PACC1: variants seen among roughly 807,000 people sequenced by gnomAD.
PACC1 encodes proton activated chloride channel 1, also known as proton-activated chloride channel.
A neutral mutation model predicts 39.7 loss-of-function variants in PACC1; 34 were observed. The observed-to-expected ratio is 0.86, with a 90% CI of 0.65 to 1.14. The LOEUF is 1.14. Among genes scored for constraint, PACC1 ranks in the 50% most tolerant of loss-of-function variants. The pLI is 0.00. For missense variants in PACC1, 379 were observed against 436.4 expected, an observed-to-expected ratio of 0.87 and a Z score of 1.17; for synonymous variants, 127 against 160.6, an observed-to-expected ratio of 0.79 and a Z score of 1.58.
chr1:212,404,582 T>C (rs1005737358), intron 2 of PACC1, among the ~76,000 whole-genome samples: 16 of 152,100 alleles, frequency 1.1e-4, no homozygotes, highest in African/African-American at 3.4e-4. Flanking sequence ...TCCTATTTTA[T>C]TCCCATCTCT....
chr1:212,371,856 T>C (rs559400929), intron 7 of PACC1, among the ~76,000 whole-genome samples: 1 of 152,268 alleles, frequency 6.6e-6, no homozygotes, highest in East Asian at 1.9e-4. Flanking sequence ...ATCTCAGAGA[T>C]GCAAGGATGA....
Position 212,381,021 on chromosome 1 carries a change from T to C in PACC1, c.496-984A>G, listed in dbSNP as rs74138134. ...TGAAAAAGAGTGAGTACACTGTCAG[T>C]TACAAAGTTTTGTGCCCCCACATGT... On this transcript the variant is annotated intron_variant, in intron 4 of 7. Transcript: ENST00000261455. Among the ~76,000 whole-genome samples, 1,196 of 152,348 alleles carry C rather than the reference T, an allele frequency of 7.9e-3. 16 individuals are homozygous for C. Among genetic ancestry groups the C allele is most frequent in the African/African-American group, 0.027 (1,126 of 41,564 alleles).
intron 2 of PACC1, 55 bp from the exon 3 acceptor site, chr1:212,387,155 A>C (rs773835025): frequency 9.5e-6 from 15 of 1,583,716 alleles, no homozygotes; most frequent in Non-Finnish European, 1.3e-5. Flanking sequence ...GTACAGACAG[A>C]GATGGCCAGC....
chr1:212,382,494 A>C (rs1660940760), intron 4 of PACC1, among the ~76,000 whole-genome samples: 1 of 152,222 alleles, frequency 6.6e-6, no homozygotes. Context: ...ATTTGGTAAA[A>C]AATAACTACC....
chr1:212,377,565 C>T lies in PACC1; in HGVS notation c.780G>A (p.Gln260=), dbSNP rs772054717. ...EDGREAVEFR[Q]ETSVVNYIDQ... ...AAGCAAACCCAGAGCCACCTACCTC[C>T]TGCCGGAACTCCACTGCTTCCCGCC... The change falls in exon 6 of 8, where the codon CAG becomes CAA. Residue 260 remains glutamine, a synonymous_variant. Transcript: ENST00000261455. The T allele has an allele frequency of 1.2e-6, 2 of 1,614,116 alleles. No individual in the cohort carries two copies. The highest frequency in any genetic ancestry group is 1.1e-5 in the South Asian group (1 of 91,068).
chr1:212,410,668 G>A, intron 1 of PACC1, 147 bp from the exon 2 acceptor site: 2 of 738,242 alleles, frequency 2.7e-6, no homozygotes, highest in South Asian at 3.1e-5. Context: ...TTTTACAGAT[G>A]AGGACACCGA....
chr1:212,394,688 C>T (rs1661447749), intron 2 of PACC1, among the ~76,000 whole-genome samples: 1 of 152,170 alleles, frequency 6.6e-6, no homozygotes, highest in Non-Finnish European at 1.5e-5. Flanking sequence ...TAGAAAACCC[C>T]ATCGTCTCAG....
intron 3 of PACC1, among the ~76,000 whole-genome samples, chr1:212,385,966 G>A (rs1263876191): frequency 6.6e-6 from 1 of 152,190 alleles, no homozygotes; most frequent in Non-Finnish European, 1.5e-5. Context: ...ATCAGAGACA[G>A]ACAGACTTCA....
chr1:212,407,667 G>A (rs774513089), intron 2 of PACC1, among the ~76,000 whole-genome samples: 7 of 152,208 alleles, frequency 4.6e-5, no homozygotes, highest in Admixed American at 1.3e-4. Flanking sequence ...GTTTGGTAGA[G>A]GCAGGATCTC....
chr1:212,397,472 T>C (rs142008568), intron 2 of PACC1, among the ~76,000 whole-genome samples: 4 of 152,318 alleles, frequency 2.6e-5, no homozygotes, highest in South Asian at 4.1e-4. Context: ...CTCATAATTA[T>C]TTAATTTTAC....
At chr1:212,408,121 T>C (rs528788599) in intron 2 of PACC1, among the ~76,000 whole-genome samples, 1 of 151,304 alleles carries the variant, frequency 6.6e-6, no homozygotes, top group African/African-American at 2.4e-5. Flanking sequence ...AGAGAGAGTT[T>C]AGGGTTGGGC....
intron 2 of PACC1, among the ~76,000 whole-genome samples, chr1:212,398,933 G>A (rs949270024): frequency 5.9e-5 from 9 of 152,178 alleles, no homozygotes; most frequent in Non-Finnish European, 1.2e-4. Context: ...CTTGGGTGCT[G>A]ACCCCTGAGC....
chr1:212,404,910 A>C (rs1273450553), intron 2 of PACC1, among the ~76,000 whole-genome samples: 3 of 152,132 alleles, frequency 2.0e-5, no homozygotes, highest in Non-Finnish European at 4.4e-5. Flanking sequence ...CTGGGATTAC[A>C]GGCATCTGCC....
intron 7 of PACC1, among the ~76,000 whole-genome samples, chr1:212,369,482 T>C (rs1660365501): frequency 6.6e-6 from 1 of 152,088 alleles, no homozygotes; most frequent in African/African-American, 2.4e-5. Flanking sequence ...GATACACAGA[T>C]TGAAAGTGAA....
chr1:212,407,139 T>C (rs775439647), intron 2 of PACC1, among the ~76,000 whole-genome samples: 2 of 152,214 alleles, frequency 1.3e-5, no homozygotes, highest in Non-Finnish European at 2.9e-5. Flanking sequence ...GAGATTATCC[T>C]GGGTTACCTG....
At chr1:212,383,365 C>T (rs1660976092) in intron 4 of PACC1, among the ~76,000 whole-genome samples, 1 of 152,152 alleles carries the variant, frequency 6.6e-6, no homozygotes, top group Non-Finnish European at 1.5e-5. Context: ...AGGAGGGCAT[C>T]CAGAGAATAG....
chr1:212,378,465 A>C (rs1660750750), intron 5 of PACC1, among the ~76,000 whole-genome samples: 1 of 152,180 alleles, frequency 6.6e-6, no homozygotes, highest in Admixed American at 6.5e-5. Context: ...TGTGGAATGG[A>C]GGCAGCTCGC....
intron 2 of PACC1, among the ~76,000 whole-genome samples, chr1:212,406,689 G>A (rs987686008): frequency 1.3e-5 from 2 of 152,214 alleles, no homozygotes; most frequent in Non-Finnish European, 1.5e-5. Flanking sequence ...CAACTGGGAA[G>A]GCTACCCCAA....
At chr1:212,391,259 C>T (rs1661309352) in intron 2 of PACC1, among the ~76,000 whole-genome samples, 1 of 152,204 alleles carries the variant, frequency 6.6e-6, no homozygotes, top group Non-Finnish European at 1.5e-5. Context: ...GAGGAACGAT[C>T]AGACAGCAAC....
Sources: allele counts gnomAD v4.1 joint callset (sites outside exome capture counted in the v4.1 genomes callset), GRCh38; gene constraint gnomAD v4.1.1; transcripts MANE v1.5; gene names NCBI Gene and HGNC (gene_info 2026-07-23, HGNC 2026-07-21).